The following OSBPL1A variants were observed in gnomAD, a reference collection of about 807,000 sequenced individuals.
OSBPL1A encodes oxysterol-binding protein-related protein 1.
In OSBPL1A, 80 loss-of-function variants were observed where a neutral mutation model predicts 137.1. The ratio of observed to expected loss-of-function variants is 0.58; its 90% CI spans 0.49 to 0.70. The LOEUF (loss-of-function observed/expected upper bound fraction) is 0.70, where lower values mean the gene tolerates loss of function less well. Among genes scored for constraint, OSBPL1A ranks in the 30% least tolerant of loss-of-function variants. The probability of loss-of-function intolerance (pLI) is 0.00; values close to 1 mark genes in which losing one functional copy is unlikely to be tolerated. For synonymous variants in OSBPL1A, 365 were observed against 389.7 expected (o/e 0.94, Z 0.75); for missense variants, 970 against 1,129.4 (o/e 0.86, Z 2.02).
rs138648939 is a variant in OSBPL1A, at chr18:24,255,609, C to G, written c.1282-16227G>C. On this transcript the variant is annotated intron_variant, in intron 15 of 27. Transcript: ENST00000319481. ...TTCCAGTCTTCCCACCTTTCCAGAC[C>G]GAACCAATGTTCATCTTACATATGT... 3.0e-3 allele frequency among the ~76,000 whole-genome samples: 460 copies of G among 152,210 alleles called. 1 individual carries two copies. Among genetic ancestry groups the G allele is most frequent in the African/African-American group, 0.01 (430 of 41,548 alleles).
At chr18:24,172,097 T>C (rs1195160637) in intron 22 of OSBPL1A, among the ~76,000 whole-genome samples, 2 of 151,988 alleles carry the variant, frequency 1.3e-5, no homozygotes, top group Non-Finnish European at 2.9e-5. Context: ...CCCGCCACCG[T>C]GCCCGGCTAA....
At position 24,190,911 on chromosome 18, in the gene OSBPL1A, AG is replaced by A. The variant is rs139700146; in HGVS notation, c.1677+5213del. ...AGGTCTGGCCCTATGGCTATGTAGC[AG>A]ACATTCTGTACTGGAATGAATGAGC... On this transcript the variant is annotated intron_variant, in intron 18 of 27. Transcript: ENST00000319481. Among the ~76,000 whole-genome samples the A allele has an allele frequency of 7.0e-3, 1,063 of 152,382 alleles. 11 individuals carry two copies. Among genetic ancestry groups the A allele is most frequent in the African/African-American group, 0.024 (1,002 of 41,588 alleles).
chr18:24,249,606 T>C (rs1233666283), intron 15 of OSBPL1A, among the ~76,000 whole-genome samples: 3 of 152,200 alleles, frequency 2.0e-5, no homozygotes, highest in Non-Finnish European at 4.4e-5. Context: ...ACTTGCAGAG[T>C]ACACCAACTG....
intron 4 of OSBPL1A, among the ~76,000 whole-genome samples, chr18:24,351,488 T>C (rs1186695546): frequency 6.6e-6 from 1 of 151,798 alleles, no homozygotes; most frequent in Non-Finnish European, 1.5e-5. Flanking sequence ...AATTACGTGA[T>C]GAGAAAAAGA....
rs202056142 is a variant in OSBPL1A at position 24,206,108 on chromosome 18, C to T, written c.1602-9908G>A. ...GTTGCACCATGTTGGCCAGGCTGGT[C>T]TCGAACTCCTGACCTCAGATTGTCC... On this transcript the variant is annotated intron_variant, in intron 17 of 27. Transcript: ENST00000319481. Among the ~76,000 whole-genome samples, 5 of 152,186 alleles carry T rather than the reference C, an allele frequency of 3.3e-5. No individual in the cohort carries two copies. The South Asian group carries it at 6.2e-4, about 19-fold the overall frequency.
intron 17 of OSBPL1A, among the ~76,000 whole-genome samples, chr18:24,220,988 C>A (rs2087871009): frequency 6.6e-6 from 1 of 152,218 alleles, no homozygotes; most frequent in South Asian, 2.1e-4. Context: ...GCCACATTGG[C>A]CAGGCTGGTC....
intron 15 of OSBPL1A, among the ~76,000 whole-genome samples, chr18:24,275,672 CG>C (rs1379610805): frequency 6.6e-6 from 1 of 151,962 alleles, no homozygotes; most frequent in Non-Finnish European, 1.5e-5. Flanking sequence ...ACCCTTCAGA[CG>C]GTTCCAATGT....
intron 16 of OSBPL1A, among the ~76,000 whole-genome samples, chr18:24,225,957 G>A (rs1457714410): frequency 6.6e-6 from 1 of 152,140 alleles, no homozygotes; most frequent in Non-Finnish European, 1.5e-5. Flanking sequence ...TGGGCAGAGT[G>A]AGACCCTGTC....
chr18:24,366,998 A>G, intron 3 of OSBPL1A, 32 bp from the exon 4 acceptor site: 1 of 1,551,192 alleles, frequency 6.4e-7, no homozygotes, highest in Non-Finnish European at 8.8e-7. Context: ...AATACCAAGA[A>G]ATATACAATG....
intron 21 of OSBPL1A, 105 bp from the exon 22 acceptor site, chr18:24,172,588 TTGAGA>T (rs2086316922): frequency 2.7e-6 from 2 of 729,126 alleles, no homozygotes; most frequent in African/African-American, 1.7e-5. Flanking sequence ...ACCAGGCTGC[TTGAGA>T]TAACTACGTT....
At chr18:24,344,361 A>C (rs1221947881) in intron 4 of OSBPL1A, among the ~76,000 whole-genome samples, 6 of 152,092 alleles carry the variant, frequency 3.9e-5, no homozygotes, top group African/African-American at 1.2e-4. Context: ...ACTGAGGCAC[A>C]AGAATTGCTT....
Position 24,238,482 on chromosome 18 carries a change from AT to A in OSBPL1A, c.1444+737del, listed in dbSNP as rs534424874. ...CCTCCAATCTCCACGTGCATTCCCC[AT>A]TTTTTTAGCACTGAGTATCACCAGG... On this transcript the variant is annotated intron_variant, in intron 16 of 27. Coordinates refer to ENST00000319481, the MANE Select transcript of OSBPL1A (RefSeq NM_080597.4). Among the ~76,000 whole-genome samples the A allele has an allele frequency of 3.2e-3, 488 of 152,168 alleles. 2 individuals carry two copies. The highest frequency in any genetic ancestry group is 0.011 in the African/African-American group (476 of 41,520).
In OSBPL1A at chr18:24,163,065, G is replaced by A. The variant is rs571665166; in HGVS notation, c.*114C>T. 1.4e-6 allele frequency: 1 copy of A among 695,910 alleles called. No individual in the cohort carries two copies. Among genetic ancestry groups the A allele is most frequent in the Non-Finnish European group, 2.3e-6 (1 of 436,826 alleles). The allele number at this position is 695,910 out of a possible 1,614,324, so 43.1% of individuals were successfully genotyped here. On this transcript the variant is annotated 3_prime_UTR_variant, in exon 28 of 28. Coordinates refer to ENST00000319481, the MANE Select transcript of OSBPL1A (RefSeq NM_080597.4). ...TGGGTGAAATGCAGTTATCTCATGA[G>A]TGTTTTTTCATTTTTTTTTTTAAAA...
intron 1 of OSBPL1A, among the ~76,000 whole-genome samples, chr18:24,379,375 T>C (rs1240649042): frequency 6.6e-6 from 1 of 151,904 alleles, no homozygotes; most frequent in Non-Finnish European, 1.5e-5. Context: ...CAAAAATTAG[T>C]TGGGTCTGCT....
At chr18:24,173,429 T>C (rs888125715) in intron 21 of OSBPL1A, among the ~76,000 whole-genome samples, 8 of 152,264 alleles carry the variant, frequency 5.3e-5, no homozygotes, top group Non-Finnish European at 1.0e-4. Flanking sequence ...TTTATTTTTT[T>C]TGAGACAGAG....
At chr18:24,279,653 A>G (rs1599606815) in intron 15 of OSBPL1A, among the ~76,000 whole-genome samples, 1 of 152,184 alleles carries the variant, frequency 6.6e-6, no homozygotes, top group African/African-American at 2.4e-5. Flanking sequence ...ATATAAATTA[A>G]CAAAATGGAA....
intron 2 of OSBPL1A, among the ~76,000 whole-genome samples, chr18:24,371,810 G>T (rs1462865570): frequency 6.6e-6 from 1 of 152,136 alleles, no homozygotes; most frequent in Non-Finnish European, 1.5e-5. Context: ...TGCTGTCACT[G>T]GGTCCCAGGG....
chr18:24,319,958 A>C (rs1164937769), intron 7 of OSBPL1A, among the ~76,000 whole-genome samples: 1 of 150,566 alleles, frequency 6.6e-6, no homozygotes, highest in Admixed American at 6.6e-5. Context: ...TCGCCGGGGT[A>C]ATACAGTGAG....
At chr18:24,165,276 C>A in intron 26 of OSBPL1A, 121 bp from the exon 27 acceptor site, 1 of 890,082 alleles carries the variant, frequency 1.1e-6, no homozygotes, top group Non-Finnish European at 1.7e-6. Flanking sequence ...TTTATTAGAA[C>A]ACAAATACCA....
Sources: gnomAD v4.1 joint callset for allele counts (sites outside exome capture counted in the v4.1 genomes callset) on GRCh38, gnomAD v4.1.1 for gene constraint, MANE v1.5 for transcripts, NCBI Gene and HGNC (gene_info 2026-07-23, HGNC 2026-07-21) for gene names.